BNC2: variants seen among roughly 807,000 people sequenced by gnomAD.
BNC2 encodes the protein basonuclin zinc finger protein 2.
In BNC2, 20 loss-of-function variants were observed where a neutral mutation model predicts 76.3. That is an observed-to-expected ratio of 0.26 (90% CI 0.18 to 0.38). BNC2 has a LOEUF of 0.38. BNC2 is among the 10% of genes least tolerant of loss of function. BNC2 has a pLI of 1.00. For missense variants in BNC2, 1,382 were observed against 1,399.8 expected (o/e 0.99, Z 0.20); for synonymous variants, 582 against 514.8 (o/e 1.13, Z -1.77).
intron 3 of BNC2, among the ~76,000 whole-genome samples, chr9:16,653,178 G>A (rs1047182131): frequency 4.5e-4 from 69 of 152,138 alleles, no homozygotes; most frequent in African/African-American, 1.4e-3. Flanking sequence ...GATTCATATG[G>A]ACAAATGGGT....
chr9:16,607,316 C>T (rs922813900), intron 3 of BNC2, among the ~76,000 whole-genome samples: 3 of 151,882 alleles, frequency 2.0e-5, no homozygotes, highest in Non-Finnish European at 2.9e-5. Flanking sequence ...AAACAGACAA[C>T]AAGGAGAGAC....
chr9:16,840,446 C>G (rs1818798987), intron 1 of BNC2, among the ~76,000 whole-genome samples: 1 of 152,228 alleles, frequency 6.6e-6, no homozygotes. Context: ...AGCTGTCACT[C>G]AAAAGTTCAC....
chr9:16,493,719 G>C (rs1367900109), intron 5 of BNC2, among the ~76,000 whole-genome samples: 1 of 152,210 alleles, frequency 6.6e-6, no homozygotes, highest in Non-Finnish European at 1.5e-5. Flanking sequence ...CCCATGCTGG[G>C]AAAGGGTACT....
intron 3 of BNC2, among the ~76,000 whole-genome samples, chr9:16,624,872 A>T (rs927744717): frequency 6.6e-6 from 1 of 152,222 alleles, no homozygotes; most frequent in Non-Finnish European, 1.5e-5. Context: ...TTTCAAGGCC[A>T]GCAAGCACTT....
chr9:16,548,003 A>T (rs1818540212), intron 5 of BNC2, among the ~76,000 whole-genome samples: 1 of 152,190 alleles, frequency 6.6e-6, no homozygotes, highest in South Asian at 2.1e-4. Context: ...ATGCTCTTCT[A>T]ATGTACCAAT....
intron 1 of BNC2, among the ~76,000 whole-genome samples, chr9:16,806,106 CAG>C (rs1290554056): frequency 6.6e-6 from 1 of 152,140 alleles, no homozygotes; most frequent in Non-Finnish European, 1.5e-5. Context: ...GAAGATTAAA[CAG>C]ATATTAAATC....
chr9:16,685,768 C>G, intron 3 of BNC2: 1 of 406,518 alleles, frequency 2.5e-6, no homozygotes, highest in South Asian at 1.8e-5. Flanking sequence ...GTATGTGACA[C>G]TTAGTATGTC....
chr9:16,776,340 A>T (rs1458287892), intron 1 of BNC2, among the ~76,000 whole-genome samples: 2 of 151,990 alleles, frequency 1.3e-5, no homozygotes, highest in Non-Finnish European at 2.9e-5. Context: ...GGGTTTCACC[A>T]TGTTGCCCAG....
rs758769514 is a variant in BNC2 at position 16,738,465 on chromosome 9, T to C, written c.24A>G (p.Pro8=). 6.8e-6 allele frequency: 11 copies of C among 1,614,008 alleles called. No individual in the cohort carries two copies. Among genetic ancestry groups the C allele is most frequent in the Non-Finnish European group, 9.3e-6 (11 of 1,179,946 alleles). The change falls in exon 2 of 7, where the codon CCA becomes CCG. Residue 8 remains proline (P), a synonymous_variant. Coordinates refer to ENST00000380672, the MANE Select transcript of BNC2 (RefSeq NM_017637.6). ...ATTTGTAATTAAGGCTATGTGGAGG[T>C]GGGGTGGGCCCAAGGTGTGCCTATT... MAHLGPT[P]PPHSLNYKSE...
intron 5 of BNC2, among the ~76,000 whole-genome samples, chr9:16,447,246 T>C (rs1234053143): frequency 1.3e-5 from 2 of 152,112 alleles, no homozygotes; most frequent in Non-Finnish European, 2.9e-5. Flanking sequence ...GCCCTATACC[T>C]TTAGGCTAAA....
chr9:16,563,228 G>C (rs1210342090), intron 4 of BNC2, among the ~76,000 whole-genome samples: 1 of 152,138 alleles, frequency 6.6e-6, no homozygotes, highest in African/African-American at 2.4e-5. Flanking sequence ...AATTGCAGAA[G>C]TTATTTGAAT....
rs1821579017 is a variant in BNC2, at chr9:16,461,464, TTATTTTGTAAATATTTTA to T, written c.670-23958_670-23941del. ...CTTTAAAATGAAGCAATTGCATAGG[TTATTTTGTAAATATTTTA>T]TTAATCCTCTAAGAGCCTCCTAAGT... On this transcript the variant is annotated intron_variant, in intron 5 of 6. Coordinates refer to ENST00000380672, the MANE Select transcript of BNC2 (RefSeq NM_017637.6). Among the ~76,000 whole-genome samples the T allele has an allele frequency of 2.6e-5, 4 of 152,308 alleles. No homozygotes were observed. In the South Asian group the frequency reaches 8.3e-4, roughly 32 times the overall value.
intron 1 of BNC2, among the ~76,000 whole-genome samples, chr9:16,866,922 T>C (rs896636258): frequency 6.6e-6 from 1 of 152,168 alleles, no homozygotes; most frequent in African/African-American, 2.4e-5. Context: ...TTCCACTCTG[T>C]TTCTTGTAAG....
chr9:16,776,851 C>T (rs543253411), intron 1 of BNC2, among the ~76,000 whole-genome samples: 2 of 152,166 alleles, frequency 1.3e-5, no homozygotes, highest in African/African-American at 2.4e-5. Flanking sequence ...GGCAGCCAGG[C>T]GTGGTGGCTC....
At position 16,713,730 on chromosome 9, in the gene BNC2, G is replaced by C. The variant is rs776322240; in HGVS notation, c.330+14067C>G. The stretch of plus-strand genomic sequence containing the variant: ...TTAAGAATTTTACTTTGAACCATAA[G>C]AAGCTGCATTAAGTTTCCAACCTAG... On this transcript the variant is annotated intron_variant, in intron 3 of 6. Transcript: ENST00000380672. Among the ~76,000 whole-genome samples, 88 of 151,920 alleles carry C rather than the reference G, an allele frequency of 5.8e-4. 1 individual carries two copies. The highest frequency in any genetic ancestry group is 5.3e-4 in the Non-Finnish European group (36 of 68,004).
chr9:16,631,113 T>C (rs1358676849), intron 3 of BNC2, among the ~76,000 whole-genome samples: 2 of 152,180 alleles, frequency 1.3e-5, no homozygotes, highest in African/African-American at 2.4e-5. Flanking sequence ...GGTACGTGTG[T>C]GTTCTCTATA....
chr9:16,612,043 G>C (rs1820562280), intron 3 of BNC2, among the ~76,000 whole-genome samples: 3 of 98,624 alleles, frequency 3.0e-5, no homozygotes, highest in African/African-American at 9.7e-5. Context: ...AGAGAGAACA[G>C]AGATCTAACA....
chr9:16,786,853 C>A (rs974297265), intron 1 of BNC2, among the ~76,000 whole-genome samples: 11 of 152,140 alleles, frequency 7.2e-5, no homozygotes, highest in Non-Finnish European at 1.5e-5. Context: ...CAGTCTAATT[C>A]CCTTCCCCCA....
intron 3 of BNC2, among the ~76,000 whole-genome samples, chr9:16,707,137 G>A (rs1024311562): frequency 2.0e-5 from 3 of 152,026 alleles, no homozygotes; most frequent in African/African-American, 7.2e-5. Flanking sequence ...GGGAGGCGGA[G>A]CTTGCAGTGA....
Sources: allele counts gnomAD v4.1 joint callset (sites outside exome capture counted in the v4.1 genomes callset), GRCh38; gene constraint gnomAD v4.1.1; transcripts MANE v1.5; gene names NCBI Gene and HGNC (gene_info 2026-07-23, HGNC 2026-07-21).